SCN8A: variants seen among roughly 807,000 people sequenced by gnomAD.
SCN8A encodes sodium voltage-gated channel alpha subunit 8, also known as sodium channel protein type 8 subunit alpha.
In SCN8A, 30 loss-of-function variants were observed where a neutral mutation model predicts 184.1. The observed-to-expected ratio is 0.16, with a 90% CI of 0.12 to 0.22. The LOEUF is 0.22. Among genes scored for constraint, SCN8A ranks in the 10% least tolerant of loss-of-function variants. The pLI is 1.00. For synonymous variants in SCN8A, 852 were observed against 907.0 expected (o/e 0.94, Z 1.09); for missense variants, 1,057 against 2,498.9 (o/e 0.42, Z 12.30).
At position 51,808,533 on chromosome 12, in the gene SCN8A, A is replaced by G. The variant is rs1285172533; in HGVS notation, c.*1104A>G. 6.6e-6 allele frequency: 1 copy of G among 152,590 alleles called. No individual in the cohort carries two copies. Among genetic ancestry groups the G allele is most frequent in the East Asian group, 1.9e-4 (1 of 5,196 alleles). 9.5% of individuals were successfully genotyped at this position (152,590 alleles called of 1,614,324 possible). ...AGGGCTAAAAAAAAAATTCATTTGT[A>G]TCTTGCAATATTTATGACGATCGTT... is the stretch of plus-strand genomic sequence containing the variant. On this transcript the variant is annotated 3_prime_UTR_variant, in exon 27 of 27. Transcript: ENST00000627620.
chr12:51,626,870 AT>A (rs1183211393), intron 1 of SCN8A, among the ~76,000 whole-genome samples: 1 of 151,032 alleles, frequency 6.6e-6, no homozygotes, highest in Non-Finnish European at 1.5e-5. Context: ...ATTTATTTAG[AT>A]TTTTTTAGCT....
At chr12:51,766,343 C>T (rs535020545) in intron 16 of SCN8A, 25 of 381,304 alleles carry the variant, frequency 6.6e-5, no homozygotes, top group South Asian at 3.3e-4. Context: ...AGTCTGTGCC[C>T]GTTCGCCTAC....
At chr12:51,664,649 C>T (rs1269365734) in intron 2 of SCN8A, among the ~76,000 whole-genome samples, 1 of 152,150 alleles carries the variant, frequency 6.6e-6, no homozygotes, top group African/African-American at 2.4e-5. Flanking sequence ...TGGACCTAAA[C>T]TATTTTTTCC....
chr12:51,632,552 TC>T (rs1348823645), intron 1 of SCN8A, among the ~76,000 whole-genome samples: 1 of 152,186 alleles, frequency 6.6e-6, no homozygotes, highest in Non-Finnish European at 1.5e-5. Flanking sequence ...TTCTACCTAG[TC>T]CTCAAGCATT....
At chr12:51,772,290 G>T (rs1942936780) in intron 19 of SCN8A, among the ~76,000 whole-genome samples, 1 of 151,936 alleles carries the variant, frequency 6.6e-6, no homozygotes, top group African/African-American at 2.4e-5. Context: ...AGCTACTCAG[G>T]AGGCTGAGGC....
At chr12:51,692,580 GGA>G (rs1286296767) in intron 6 of SCN8A, among the ~76,000 whole-genome samples, 1 of 152,194 alleles carries the variant, frequency 6.6e-6, no homozygotes, top group East Asian at 1.9e-4. Flanking sequence ...CGGTTATAGA[GGA>G]GACCCTTTCT....
chr12:51,606,448 T>G (rs1319417314), intron 1 of SCN8A, among the ~76,000 whole-genome samples: 1 of 152,240 alleles, frequency 6.6e-6, no homozygotes, highest in African/African-American at 2.4e-5. Context: ...TTGGTCTATG[T>G]GCCTATTTTT....
chr12:51,746,062 C>T, intron 13 of SCN8A, 27 bp downstream of exon 13: 1 of 1,560,920 alleles, frequency 6.4e-7, no homozygotes, highest in Non-Finnish European at 8.7e-7. Context: ...GTCAGTCCAA[C>T]CGCTGAGATA....
rs1445374504 is a variant in SCN8A at position 51,809,710 on chromosome 12, AATTTT to A, written c.*2290_*2294del. On this transcript the variant is annotated 3_prime_UTR_variant, in exon 27 of 27. Coordinates refer to ENST00000627620, the MANE Select transcript of SCN8A (RefSeq NM_001330260.2). ...GAGAATTATAAATACTGTAATATAT[AATTTT>A]ATTTTATTGGCATGCCTTTTTGTAA... 1.3e-5 allele frequency: 2 copies of A among 152,206 alleles called. No homozygotes were observed. Among genetic ancestry groups the A allele is most frequent in the Non-Finnish European group, 2.9e-5 (2 of 68,030 alleles). 9.4% of individuals were successfully genotyped at this position (152,206 alleles called of 1,614,324 possible). A position where few individuals can be genotyped will look rare whatever the true frequency, so the allele number is the denominator to read the frequency against.
At chr12:51,683,536 A>G (rs1592377231) in intron 2 of SCN8A, among the ~76,000 whole-genome samples, 1 of 152,196 alleles carries the variant, frequency 6.6e-6, no homozygotes, top group African/African-American at 2.4e-5. Context: ...TCTTTGCTGA[A>G]ATCTCTCTTC....
intron 1 of SCN8A, among the ~76,000 whole-genome samples, chr12:51,646,771 G>T (rs146290520): frequency 0.018 from 2,712 of 152,300 alleles, 39 homozygotes; most frequent in Non-Finnish European, 0.025. Context: ...AACATGGAAA[G>T]CAAGTTAAAT....
chr12:51,706,052 A>C (rs1424869920), intron 10 of SCN8A, among the ~76,000 whole-genome samples: 1 of 152,232 alleles, frequency 6.6e-6, no homozygotes, highest in Non-Finnish European at 1.5e-5. Context: ...CATCACCTTA[A>C]CACTTAACTT....
chr12:51,679,721 C>CTTTTTTTTTT lies in SCN8A; in HGVS notation c.277-4440_277-4431dup, dbSNP rs34564079. Among the ~76,000 whole-genome samples, 773 of 85,426 alleles carry CTTTTTTTTTT rather than the reference C, an allele frequency of 9.0e-3. 45 individuals carry two copies. Among genetic ancestry groups the CTTTTTTTTTT allele is most frequent in the African/African-American group, 0.017 (385 of 22,026 alleles). 56.0% of individuals were successfully genotyped at this position (85,426 alleles called of 152,430 possible). On this transcript the variant is annotated intron_variant, in intron 2 of 26. Transcript: ENST00000627620. ...TGTGTTTGTCCAAAGACTATCTTGC[C>CTTTTTTTTTT]TTTTTTTTTTTTTTTTTTTTTTGAG...
chr12:51,626,083 A>G (rs927893193), intron 1 of SCN8A, among the ~76,000 whole-genome samples: 1 of 152,202 alleles, frequency 6.6e-6, no homozygotes, highest in African/African-American at 2.4e-5. Context: ...AGCGAGGGGA[A>G]AGCATGGTCC....
intron 2 of SCN8A, among the ~76,000 whole-genome samples, chr12:51,679,539 T>A (rs1941288902): frequency 6.6e-6 from 1 of 152,186 alleles, no homozygotes; most frequent in African/African-American, 2.4e-5. Context: ...GGGTAAGTTG[T>A]TTTAACAGAC....
chr12:51,780,588 T>TCC, intron 20 of SCN8A, 61 bp from the exon 21 acceptor site: 1 of 322,236 alleles, frequency 3.1e-6, no homozygotes, highest in Non-Finnish European at 5.2e-6. Flanking sequence ...TTTTTTTTTT[T>TCC]TTTTTTTTTT....
In SCN8A at chr12:51,751,348, AC is replaced by A; in HGVS notation, c.2132-6del. ...TGAGGGGCCATCTTTGTTCTTACTT[AC>A]TGTAGAACTGGAAGAGTCTCAGAGA... On this transcript the variant is annotated splice_region_variant and splice_polypyrimidine_tract_variant and intron_variant, in intron 13 of 26. Coordinates refer to ENST00000627620, the MANE Select transcript of SCN8A (RefSeq NM_001330260.2). The A allele has an allele frequency of 6.3e-7, 1 of 1,599,826 alleles. No homozygotes were observed. Among genetic ancestry groups the A allele is most frequent in the Non-Finnish European group, 8.6e-7 (1 of 1,168,880 alleles).
intron 21 of SCN8A, 24 bp from the exon 22 acceptor site, chr12:51,786,516 CTG>C (rs751061831): frequency 2.5e-6 from 4 of 1,613,852 alleles, no homozygotes; most frequent in South Asian, 2.2e-5. Context: ...CCACCCAACA[CTG>C]AGCAACCTCC....
chr12:51,719,958 C>G (rs1318166026), intron 11 of SCN8A, among the ~76,000 whole-genome samples: 2 of 151,780 alleles, frequency 1.3e-5, no homozygotes, highest in Non-Finnish European at 2.9e-5. Context: ...CGCCTGTAGT[C>G]CCAGCTACTC....
Sources: gnomAD v4.1 joint callset for allele counts (sites outside exome capture counted in the v4.1 genomes callset) on GRCh38, gnomAD v4.1.1 for gene constraint, MANE v1.5 for transcripts, NCBI Gene and HGNC (gene_info 2026-07-23, HGNC 2026-07-21) for gene names.